ERC2: variants seen among roughly 807,000 people sequenced by gnomAD.
ERC2 encodes ELKS/RAB6-interacting/CAST family member 2.
ERC2 carries 42 observed loss-of-function variants against 114.8 expected under a neutral mutation model. The ratio of observed to expected loss-of-function variants is 0.37; its 90% CI spans 0.29 to 0.47. The LOEUF is 0.47. ERC2 is among the 20% of genes least tolerant of loss of function. The probability of loss-of-function intolerance (pLI) is 0.99; values close to 1 mark genes in which losing one functional copy is unlikely to be tolerated. For missense variants in ERC2, 939 were observed against 1,150.7 expected (o/e 0.82, Z 2.66); for synonymous variants, 454 against 425.5 (o/e 1.07, Z -0.82).
intron 7 of ERC2, among the ~76,000 whole-genome samples, chr3:56,032,074 C>T (rs1519038): frequency 0.6 from 91,341 of 152,060 alleles, 29,765 homozygotes; most frequent in East Asian, 0.73. Flanking sequence ...TCTTCTCTCT[C>T]ATCTCCTTTT....
chr3:55,947,196 A>C (rs1416296264), intron 13 of ERC2, among the ~76,000 whole-genome samples: 1 of 152,158 alleles, frequency 6.6e-6, no homozygotes, highest in Non-Finnish European at 1.5e-5. Context: ...GTTCAACCAG[A>C]GCTTAGTGGC....
intron 7 of ERC2, among the ~76,000 whole-genome samples, chr3:56,047,995 T>C (rs971757132): frequency 1.3e-5 from 2 of 152,192 alleles, no homozygotes; most frequent in African/African-American, 2.4e-5. Flanking sequence ...CTGCAATTCA[T>C]GGGGTGGTGA....
At chr3:56,324,337 C>A (rs1319009790) in intron 2 of ERC2, among the ~76,000 whole-genome samples, 1 of 152,158 alleles carries the variant, frequency 6.6e-6, no homozygotes, top group African/African-American at 2.4e-5. Flanking sequence ...CAACAGGCCA[C>A]AATATACAGA....
chr3:56,357,613 G>A (rs1180003198), intron 2 of ERC2, among the ~76,000 whole-genome samples: 2 of 151,828 alleles, frequency 1.3e-5, no homozygotes, highest in Non-Finnish European at 2.9e-5. Context: ...GGCTTCTGAC[G>A]TGGGTCTCAC....
chr3:55,572,341 G>T (rs2056759202), intron 17 of ERC2, among the ~76,000 whole-genome samples: 1 of 152,182 alleles, frequency 6.6e-6, no homozygotes. Context: ...AGGAACCCAA[G>T]GGTGAGAATT....
At chr3:55,653,292 T>G (rs973861872) in intron 17 of ERC2, among the ~76,000 whole-genome samples, 9 of 152,196 alleles carry the variant, frequency 5.9e-5, no homozygotes, top group African/African-American at 2.2e-4. Flanking sequence ...ATAGTTCACT[T>G]TAATTCTATT....
At chr3:56,377,031 C>G (rs568233503) in intron 2 of ERC2, among the ~76,000 whole-genome samples, 39 of 152,244 alleles carry the variant, frequency 2.6e-4, no homozygotes, top group African/African-American at 8.7e-4. Flanking sequence ...GCACCTCCCC[C>G]CATCACGATC....
intron 16 of ERC2, among the ~76,000 whole-genome samples, chr3:55,688,653 G>A (rs2062463455): frequency 1.3e-5 from 2 of 152,150 alleles, no homozygotes; most frequent in Admixed American, 6.5e-5. Context: ...TGGAAGAAAG[G>A]GGTCTTCATA....
At chr3:55,696,270 T>G (rs1479862399) in intron 16 of ERC2, among the ~76,000 whole-genome samples, 1 of 152,256 alleles carries the variant, frequency 6.6e-6, no homozygotes, top group Admixed American at 6.5e-5. Context: ...TCCATTTTCA[T>G]GTGTTCTGAT....
intron 6 of ERC2, among the ~76,000 whole-genome samples, chr3:56,127,715 T>C (rs1575520378): frequency 1.4e-5 from 2 of 141,564 alleles, no homozygotes; most frequent in South Asian, 2.2e-4. Context: ...AGAGCAAAAC[T>C]CTGTCTCAAA....
At chr3:56,089,999 A>G (rs369447729) in intron 6 of ERC2, among the ~76,000 whole-genome samples, 54 of 152,232 alleles carry the variant, frequency 3.5e-4, no homozygotes, top group African/African-American at 1.3e-3. Flanking sequence ...TTCTCTAACC[A>G]TCAGGGGCTA....
chr3:56,326,975 T>G (rs1408675918), intron 2 of ERC2, among the ~76,000 whole-genome samples: 1 of 152,164 alleles, frequency 6.6e-6, no homozygotes, highest in African/African-American at 2.4e-5. Flanking sequence ...TATTAAGAGC[T>G]CAAGTACTTT....
chr3:56,428,117 C>A (rs904436194), intron 2 of ERC2, among the ~76,000 whole-genome samples: 3 of 152,168 alleles, frequency 2.0e-5, no homozygotes, highest in African/African-American at 7.2e-5. Context: ...GTTCCACCCA[C>A]AAACCTGATG....
chr3:56,252,798 A>G (rs560688603), intron 3 of ERC2, among the ~76,000 whole-genome samples: 5 of 149,762 alleles, frequency 3.3e-5, no homozygotes, highest in Non-Finnish European at 5.9e-5. Context: ...CATTTGCCCA[A>G]CTGAAGAAAA....
At chr3:56,040,106 A>G (rs1163920934) in intron 7 of ERC2, among the ~76,000 whole-genome samples, 1 of 152,090 alleles carries the variant, frequency 6.6e-6, no homozygotes, top group Non-Finnish European at 1.5e-5. Context: ...TTTAAATAAA[A>G]CCCCAAAACG....
intron 7 of ERC2, among the ~76,000 whole-genome samples, chr3:56,064,507 C>T (rs942232466): frequency 2.0e-5 from 3 of 152,196 alleles, no homozygotes; most frequent in African/African-American, 7.2e-5. Context: ...TCAAGCACAT[C>T]CTGTTTGCTT....
At chr3:56,325,119 C>T (rs970747022) in intron 2 of ERC2, among the ~76,000 whole-genome samples, 2 of 151,840 alleles carry the variant, frequency 1.3e-5, no homozygotes, top group African/African-American at 2.4e-5. Context: ...AACATGGGCT[C>T]TATGAGGGCA....
chr3:55,952,140 C>T (rs1054900510), intron 12 of ERC2, among the ~76,000 whole-genome samples: 3 of 36,742 alleles, frequency 8.2e-5, no homozygotes, highest in African/African-American at 2.5e-4. Flanking sequence ...CTCTAAAACA[C>T]ACACACACAC....
At chr3:56,374,132 T>C (rs2059451314) in intron 2 of ERC2, among the ~76,000 whole-genome samples, 1 of 152,204 alleles carries the variant, frequency 6.6e-6, no homozygotes, top group Non-Finnish European at 1.5e-5. Flanking sequence ...AGTCTCGCTC[T>C]GTCGCCGAGG....
Sources: allele counts gnomAD v4.1 joint callset (sites outside exome capture counted in the v4.1 genomes callset), GRCh38; gene constraint gnomAD v4.1.1; transcripts MANE v1.5; gene names NCBI Gene and HGNC (gene_info 2026-07-23, HGNC 2026-07-21).